Variants in RET observed in about 807,000 individuals in gnomAD.
The protein encoded by RET is ret proto-oncogene, also known as proto-oncogene tyrosine-protein kinase receptor Ret.
In RET, 19 loss-of-function variants were observed where a neutral mutation model predicts 118.3. The observed-to-expected ratio is 0.16, with a 90% CI of 0.11 to 0.24. RET has a LOEUF of 0.24. Among genes scored for constraint, RET ranks in the 10% least tolerant of loss-of-function variants. RET has a pLI of 1.00. For missense variants in RET, 1,219 were observed against 1,502.1 expected (o/e 0.81, Z 3.12); for synonymous variants, 597 against 644.1 (o/e 0.93, Z 1.11).
At chr10:43,124,813 C>T in intron 17 of RET, 70 bp from the exon 18 acceptor site, 4 of 1,461,496 alleles carry the variant, frequency 2.7e-6, no homozygotes, top group Non-Finnish European at 3.8e-6. Context: ...GGTGCGATGG[C>T]TGTGGTGGGC....
chr10:43,086,346 G>A (rs1331118157), intron 1 of RET, among the ~76,000 whole-genome samples: 1 of 152,232 alleles, frequency 6.6e-6, no homozygotes, highest in African/African-American at 2.4e-5. Context: ...GGATGAGAAG[G>A]GGCTGGGGTA....
intron 15 of RET, among the ~76,000 whole-genome samples, chr10:43,121,065 A>T (rs1013955905): frequency 6.6e-6 from 1 of 152,046 alleles, no homozygotes; most frequent in Non-Finnish European, 1.5e-5. Context: ...TTCCCTTGTG[A>T]CAGCAGATCT....
intron 9 of RET, among the ~76,000 whole-genome samples, 173 bp downstream of exon 9, chr10:43,113,136 G>A (rs1837979643): frequency 6.6e-6 from 1 of 152,180 alleles, no homozygotes; most frequent in African/African-American, 2.4e-5. Flanking sequence ...CAGGGTCAGG[G>A]ACAGGGGGAA....
intron 1 of RET, among the ~76,000 whole-genome samples, chr10:43,079,414 A>G (rs1837129031): frequency 6.6e-6 from 1 of 152,194 alleles, no homozygotes; most frequent in Admixed American, 6.5e-5. Flanking sequence ...GGTATGCTGG[A>G]ACCAGAGTGA....
Position 43,113,574 on chromosome 10 carries a change from G to C in RET, c.1778G>C (p.Gly593Ala). 6.2e-7 allele frequency: 1 copy of C among 1,609,460 alleles called. No individual in the cohort carries two copies. Among genetic ancestry groups the C allele is most frequent in the Non-Finnish European group, 8.5e-7 (1 of 1,178,580 alleles). The part of the protein sequence containing the change: ...QDCLRGSIVG[G>A]HEPGEPRGIK... ...CCCTCAGGGGGCAGCATTGTTGGGG[G>C]ACACGAGCCTGGGGAGCCCCGGGGG... The change falls in exon 10 of 20, where the codon GGA becomes GCA. Residue 593 changes from glycine to alanine, a missense_variant. By Grantham distance (60) the Gly-to-Ala change is moderately conservative. Coordinates refer to ENST00000355710, the MANE Select transcript of RET (RefSeq NM_020975.6).
At chr10:43,077,587 G>A (rs1249882693) in intron 1 of RET, among the ~76,000 whole-genome samples, 1 of 151,520 alleles carries the variant, frequency 6.6e-6, no homozygotes, top group Non-Finnish European at 1.5e-5. Flanking sequence ...GGCCGCGGGG[G>A]TCGGTGCTCA....
chr10:43,118,598 C>T (rs1838130436), intron 13 of RET, 118 bp downstream of exon 13: 3 of 816,844 alleles, frequency 3.7e-6, no homozygotes, highest in African/African-American at 3.4e-5. Context: ...TCCTGTTCTC[C>T]CTCTTTCTGG....
Position 43,102,548 on chromosome 10 carries a change from C to T in RET, c.544C>T (p.Pro182Ser), listed in dbSNP as rs775086466. 4 of 1,614,222 alleles carry T rather than the reference C, an allele frequency of 2.5e-6. No homozygotes were observed. The highest frequency in any genetic ancestry group is 1.7e-5 in the Admixed American group (1 of 60,030). ...PSFRIRENRP[P>S]GTFHQFRLLP... is the part of the protein sequence containing the mutation. ...CTTCCGCATTCGGGAGAACCGACCC[C>T]CAGGCACCTTCCACCAGTTCCGCCT... The change falls in exon 3 of 20, where the codon CCA (proline) becomes TCA (serine). Residue 182 changes from proline to serine, a missense_variant. Physicochemically the swap from Pro to Ser is moderately conservative, Grantham distance 74. Transcript: ENST00000355710.
intron 1 of RET, among the ~76,000 whole-genome samples, chr10:43,085,664 C>T (rs571053830): frequency 2.6e-5 from 4 of 152,150 alleles, no homozygotes; most frequent in East Asian, 1.9e-4. Context: ...AGGGAGAAAT[C>T]GAGGCCCTGA....
chr10:43,090,785 C>A (rs1344868900), intron 1 of RET, among the ~76,000 whole-genome samples: 1 of 150,778 alleles, frequency 6.6e-6, no homozygotes, highest in Non-Finnish European at 1.5e-5. Context: ...GAGGTTCCTC[C>A]TCTGCAGGCT....
chr10:43,103,568 C>T (rs1307814559), intron 3 of RET, among the ~76,000 whole-genome samples: 2 of 152,044 alleles, frequency 1.3e-5, no homozygotes, highest in African/African-American at 4.8e-5. Flanking sequence ...GAGGCTGCAC[C>T]GCTGGCAAGT....
chr10:43,125,071 T>C, intron 18 of RET, 89 bp downstream of exon 18: 1 of 1,205,362 alleles, frequency 8.3e-7, no homozygotes, highest in Non-Finnish European at 1.2e-6. Flanking sequence ...GCCCTCAGAG[T>C]TCCCAGTGTG....
intron 3 of RET, among the ~76,000 whole-genome samples, chr10:43,104,346 G>A (rs917398693): frequency 2.6e-5 from 4 of 151,598 alleles, no homozygotes; most frequent in South Asian, 4.2e-4. Context: ...GTGAAAGGCC[G>A]TCCCTACTAA....
intron 1 of RET, among the ~76,000 whole-genome samples, chr10:43,085,422 T>A (rs1325018685): frequency 1.3e-5 from 2 of 152,218 alleles, no homozygotes; most frequent in Admixed American, 1.3e-4. Context: ...GTCAGTGGCC[T>A]GGGAGGACAC....
In RET at chr10:43,128,637, G is replaced by T. The variant is rs756051983; in HGVS notation, c.*368G>T. The T allele has an allele frequency of 5.0e-6, 2 of 398,166 alleles. No homozygotes were observed. The highest frequency in any genetic ancestry group is 9.4e-6 in the Non-Finnish European group (2 of 213,138). The allele number at this position is 398,166 out of a possible 1,614,324, so 24.7% of individuals were successfully genotyped here. A position where few individuals can be genotyped will look rare whatever the true frequency, so the allele number is the denominator to read the frequency against. ...TGGTGTATGAAATTGGACCTGAACT[G>T]TTGGATTTTTCTAGTTGCCGCCAAA... On this transcript the variant is annotated 3_prime_UTR_variant, in exon 20 of 20. Transcript: ENST00000355710.
intron 1 of RET, among the ~76,000 whole-genome samples, chr10:43,095,077 G>A (rs1458621176): frequency 6.6e-6 from 1 of 152,154 alleles, no homozygotes; most frequent in African/African-American, 2.4e-5. Flanking sequence ...TGGGCACCAG[G>A]GAAGGAACCC....
chr10:43,112,325 A>T lies in RET; in HGVS notation c.1648+101A>T. 3 of 1,513,208 alleles carry T rather than the reference A, an allele frequency of 2.0e-6. No individual in the cohort carries two copies. The South Asian group carries it at 3.6e-5, about 18-fold the overall frequency. The allele number at this position is 1,513,208 out of a possible 1,614,324, so 93.7% of individuals were successfully genotyped here. A position where few individuals can be genotyped will look rare whatever the true frequency, so the allele number is the denominator to read the frequency against. ...AGCCTGGGGTGGCTCTCCCTGCTCC[A>T]GGTCTGCTTCTGGCACCTCATCCCC... is the stretch of plus-strand genomic sequence containing the variant. On this transcript the variant is annotated intron_variant, in intron 8 of 19. Coordinates refer to ENST00000355710, the MANE Select transcript of RET (RefSeq NM_020975.6).
chr10:43,092,912 T>G (rs1837439667), intron 1 of RET, among the ~76,000 whole-genome samples: 1 of 152,184 alleles, frequency 6.6e-6, no homozygotes, highest in Non-Finnish European at 1.5e-5. Context: ...CGTGAGACCA[T>G]GTCACAGTAT....
chr10:43,128,438 T>G lies in RET; in HGVS notation c.*169T>G. On this transcript the variant is annotated 3_prime_UTR_variant, in exon 20 of 20. Coordinates refer to ENST00000355710, the MANE Select transcript of RET (RefSeq NM_020975.6). ...TTAACTTCCAAGGTGGTTTTACTTC[T>G]GATAGCCGGTGATTTTCCCTCCTAG... The G allele has an allele frequency of 2.7e-6, 2 of 728,424 alleles. No homozygotes were observed. Among genetic ancestry groups the G allele is most frequent in the Non-Finnish European group, 4.8e-6 (2 of 420,112 alleles). 45.1% of individuals were successfully genotyped at this position (728,424 alleles called of 1,614,324 possible). A position where few individuals can be genotyped will look rare whatever the true frequency, so the allele number is the denominator to read the frequency against.
Sources: allele counts gnomAD v4.1 joint callset (sites outside exome capture counted in the v4.1 genomes callset), GRCh38; gene constraint gnomAD v4.1.1; transcripts MANE v1.5; gene names NCBI Gene and HGNC (gene_info 2026-07-23, HGNC 2026-07-21).